The following SOX5 variants were observed in gnomAD, a reference collection of about 807,000 sequenced individuals.
The protein encoded by SOX5 is SRY-box transcription factor 5, also known as transcription factor SOX-5.
Under a neutral mutation model 92.0 loss-of-function variants are expected in SOX5, and 9 were observed. The ratio of observed to expected loss-of-function variants is 0.10; its 90% CI spans 0.06 to 0.17. The LOEUF is 0.17. SOX5 is among the 10% of genes least tolerant of loss of function. The pLI is 1.00. For missense variants in SOX5, 642 were observed against 944.5 expected (o/e 0.68, Z 4.20); for synonymous variants, 344 against 336.3 (o/e 1.02, Z -0.25).
intron 3 of SOX5, among the ~76,000 whole-genome samples, chr12:24,236,275 C>T (rs78558336): frequency 6.6e-6 from 1 of 152,032 alleles, no homozygotes; most frequent in Non-Finnish European, 1.5e-5. Flanking sequence ...GAACTTGTGT[C>T]ATTCTTCTCA....
At chr12:24,412,708 C>T (rs1428655996) in intron 1 of SOX5, among the ~76,000 whole-genome samples, 2 of 150,834 alleles carry the variant, frequency 1.3e-5, no homozygotes, top group South Asian at 2.1e-4. Context: ...GATATGATCT[C>T]TCTTGGAATA....
chr12:24,273,591 T>G (rs939143178), intron 3 of SOX5, among the ~76,000 whole-genome samples: 2 of 152,228 alleles, frequency 1.3e-5, no homozygotes, highest in African/African-American at 4.8e-5. Context: ...TAGCTCAGTC[T>G]CATCAGAGGT....
intron 2 of SOX5, among the ~76,000 whole-genome samples, chr12:24,366,199 C>A (rs1191763346): frequency 6.6e-6 from 1 of 152,104 alleles, no homozygotes; most frequent in Non-Finnish European, 1.5e-5. Context: ...ATTTTTCTGG[C>A]AACAATCCAT....
intron 3 of SOX5, among the ~76,000 whole-genome samples, chr12:23,840,627 G>A (rs1217784076): frequency 1.3e-5 from 2 of 152,014 alleles, no homozygotes; most frequent in Non-Finnish European, 1.5e-5. Context: ...CTGGCAAGAC[G>A]ATAGACCAAC....
chr12:24,288,394 C>A (rs1205152758), intron 2 of SOX5, among the ~76,000 whole-genome samples: 2 of 152,164 alleles, frequency 1.3e-5, no homozygotes, highest in East Asian at 3.9e-4. Context: ...CAGAGTATAA[C>A]ATTTTCTGGG....
intron 4 of SOX5, among the ~76,000 whole-genome samples, chr12:24,118,931 G>A (rs1948343740): frequency 6.6e-6 from 1 of 152,114 alleles, no homozygotes; most frequent in South Asian, 2.1e-4. Flanking sequence ...GACAAGCACT[G>A]AAAAATCTTT....
intron 2 of SOX5, among the ~76,000 whole-genome samples, chr12:24,326,152 T>C (rs953296824): frequency 6.6e-6 from 1 of 152,144 alleles, no homozygotes; most frequent in African/African-American, 2.4e-5. Flanking sequence ...AGTGGGTGGG[T>C]ACCTAGTAAA....
chr12:24,496,199 C>T (rs1947620987), intron 1 of SOX5, among the ~76,000 whole-genome samples: 1 of 152,162 alleles, frequency 6.6e-6, no homozygotes, highest in South Asian at 2.1e-4. Flanking sequence ...AACTCCTACA[C>T]AAGCAAAAAT....
chr12:24,193,184 A>G (rs1956694926), intron 4 of SOX5, among the ~76,000 whole-genome samples: 1 of 152,238 alleles, frequency 6.6e-6, no homozygotes, highest in African/African-American at 2.4e-5. Flanking sequence ...CAAATAAACA[A>G]AAACAGAACC....
intron 2 of SOX5, among the ~76,000 whole-genome samples, chr12:24,326,390 A>T (rs1188142656): frequency 1.3e-5 from 2 of 152,076 alleles, no homozygotes; most frequent in Non-Finnish European, 2.9e-5. Flanking sequence ...CTACATCCTA[A>T]TTGAGGGCTC....
intron 10 of SOX5, among the ~76,000 whole-genome samples, chr12:23,567,425 G>C (rs1947319972): frequency 6.7e-6 from 1 of 149,550 alleles, no homozygotes; most frequent in Non-Finnish European, 1.5e-5. Context: ...AAATTTGTGA[G>C]ATTCTGTAAC....
At chr12:23,860,967 A>C (rs918003920) in intron 2 of SOX5, among the ~76,000 whole-genome samples, 15 of 149,424 alleles carry the variant, frequency 1.0e-4, no homozygotes, top group Admixed American at 4.0e-4. Context: ...AAAAAAAAAA[A>C]AAAAAAAAAA....
At chr12:24,266,180 C>A (rs752000007) in intron 3 of SOX5, among the ~76,000 whole-genome samples, 2 of 151,866 alleles carry the variant, frequency 1.3e-5, no homozygotes, top group Non-Finnish European at 2.9e-5. Context: ...TCCCAACGTG[C>A]TAGAATTACT....
At chr12:24,282,699 C>A (rs1171237039) in intron 2 of SOX5, among the ~76,000 whole-genome samples, 1 of 152,158 alleles carries the variant, frequency 6.6e-6, no homozygotes, top group East Asian at 1.9e-4. Flanking sequence ...CTTCACAAAA[C>A]CCTCGAAGGA....
chr12:23,652,130 T>A (rs2081650570), intron 7 of SOX5, among the ~76,000 whole-genome samples: 1 of 152,064 alleles, frequency 6.6e-6, no homozygotes, highest in Non-Finnish European at 1.5e-5. Context: ...CATATATTTT[T>A]GGGGAAATGC....
chr12:23,749,298 T>C (rs2094109333), intron 4 of SOX5, among the ~76,000 whole-genome samples: 1 of 151,974 alleles, frequency 6.6e-6, no homozygotes, highest in Non-Finnish European at 1.5e-5. Context: ...AGGAATACTA[T>C]AGTTCATTAC....
chr12:24,070,069 C>T (rs928802863), intron 4 of SOX5, among the ~76,000 whole-genome samples: 1 of 152,122 alleles, frequency 6.6e-6, no homozygotes, highest in Non-Finnish European at 1.5e-5. Context: ...TCACACAGCC[C>T]GTCTTTGTCC....
chr12:23,605,361 A>G (rs1232836061), intron 8 of SOX5, among the ~76,000 whole-genome samples: 5 of 151,172 alleles, frequency 3.3e-5, no homozygotes, highest in Admixed American at 3.3e-4. Context: ...TTTAATTATT[A>G]CTCTTTTCAT....
chr12:23,934,993 T>C (rs1442982431), intron 1 of SOX5, among the ~76,000 whole-genome samples: 1 of 151,226 alleles, frequency 6.6e-6, no homozygotes, highest in Non-Finnish European at 1.5e-5. Flanking sequence ...TCAGAAAAAG[T>C]AACAGAAGCC....
Sources: gnomAD v4.1 joint callset for allele counts (sites outside exome capture counted in the v4.1 genomes callset) on GRCh38, gnomAD v4.1.1 for gene constraint, MANE v1.5 for transcripts, NCBI Gene and HGNC (gene_info 2026-07-23, HGNC 2026-07-21) for gene names.